Variants in TIAM1 observed in about 807,000 individuals in gnomAD.
TIAM1 encodes rho guanine nucleotide exchange factor TIAM1.
Under a neutral mutation model 163.5 loss-of-function variants are expected in TIAM1, and 65 were observed. That is an observed-to-expected ratio of 0.40 (90% CI 0.33 to 0.49). The LOEUF (loss-of-function observed/expected upper bound fraction) is 0.49, where lower values mean the gene tolerates loss of function less well. Among genes scored for constraint, TIAM1 ranks in the 20% least tolerant of loss-of-function variants. The pLI is 0.77. For synonymous variants in TIAM1, 833 were observed against 810.1 expected, an observed-to-expected ratio of 1.03 and a Z score of -0.48; for missense variants, 1,789 against 2,044.7, an observed-to-expected ratio of 0.87 and a Z score of 2.41.
chr21:31,346,743 C>A (rs1470499782), upstream of TIAM1, among the ~76,000 whole-genome samples: 1 of 152,122 alleles, frequency 6.6e-6, no homozygotes, highest in East Asian at 1.9e-4. Context: ...AAGAATGTTA[C>A]AAATCACTCG....
intron 2 of TIAM1, among the ~76,000 whole-genome samples, chr21:31,425,135 A>T (rs910157570): frequency 2.0e-5 from 3 of 152,114 alleles, no homozygotes; most frequent in African/African-American, 7.2e-5. Context: ...AAAATAAACA[A>T]TTTTTTTAAA....
At chr21:31,420,874 C>A (rs1036238569) in intron 2 of TIAM1, among the ~76,000 whole-genome samples, 4 of 152,124 alleles carry the variant, frequency 2.6e-5, no homozygotes, top group African/African-American at 9.7e-5. Context: ...GTAATCCCAG[C>A]ACTTTGGGAG....
At chr21:31,142,803 G>A (rs1190906463) in intron 20 of TIAM1, among the ~76,000 whole-genome samples, 1 of 152,106 alleles carries the variant, frequency 6.6e-6, no homozygotes, top group Non-Finnish European at 1.5e-5. Flanking sequence ...CGTGGGCTCT[G>A]ATCTGATGCA....
chr21:31,479,430 C>G (rs142741637), intron 1 of TIAM1, among the ~76,000 whole-genome samples: 1 of 146,764 alleles, frequency 6.8e-6, no homozygotes, highest in African/African-American at 2.5e-5. Context: ...GACGGACGGA[C>G]GGATGAATGG....
chr21:31,188,923 A>AG, intron 13 of TIAM1, among the ~76,000 whole-genome samples: 1 of 151,896 alleles, frequency 6.6e-6, no homozygotes, highest in Middle Eastern at 3.4e-3. Context: ...GTACCAGGAA[A>AG]CACCTTTGCT....
At chr21:31,348,321 A>G (rs961415565), upstream of TIAM1, among the ~76,000 whole-genome samples, 11 of 152,218 alleles carry the variant, frequency 7.2e-5, no homozygotes, top group African/African-American at 2.7e-4. Context: ...CCTTCATAGA[A>G]CAAAAACAAG....
intron 13 of TIAM1, among the ~76,000 whole-genome samples, chr21:31,189,773 G>A (rs928147506): frequency 6.6e-6 from 1 of 151,982 alleles, no homozygotes; most frequent in Non-Finnish European, 1.5e-5. Flanking sequence ...CACACTGGGG[G>A]AAAACCTTAT....
At chr21:31,345,840 C>G (rs2076138009), upstream of TIAM1, among the ~76,000 whole-genome samples, 1 of 152,138 alleles carries the variant, frequency 6.6e-6, no homozygotes, top group African/African-American at 2.4e-5. Flanking sequence ...ATTCCAGCTA[C>G]TCAGGAGGCT....
chr21:31,503,616 A>AGAGG (rs2046934973), intron 1 of TIAM1, among the ~76,000 whole-genome samples: 1 of 86,950 alleles, frequency 1.2e-5, no homozygotes, highest in Non-Finnish European at 2.4e-5. Flanking sequence ...GAGGGGAGGG[A>AGAGG]CCTGAAATCA....
chr21:31,417,738 G>A (rs1293934782), intron 2 of TIAM1, among the ~76,000 whole-genome samples: 2 of 152,192 alleles, frequency 1.3e-5, no homozygotes, highest in Non-Finnish European at 2.9e-5. Context: ...TACCTGTGCA[G>A]TCAGGGACAT....
chr21:31,123,907 G>A (rs1348341596), intron 27 of TIAM1: 2 of 152,146 alleles, frequency 1.3e-5, no homozygotes, highest in African/African-American at 4.8e-5. Flanking sequence ...TTTATGCTGG[G>A]ACCATTTAAA....
rs1268945302 is a variant in TIAM1 at position 31,251,734 on chromosome 21, G to A, written c.1411+8C>T. On this transcript the variant is annotated splice_region_variant and intron_variant, in intron 5 of 27. Transcript: ENST00000541036. Reference sequence around the variant, plus strand: ...TTTGGCACATAGCCGGGGCCCTCCCGCTCTCACCTTTCAGGGACACCCAGT... The same window carrying A: ...TTTGGCACATAGCCGGGGCCCTCCCACTCTCACCTTTCAGGGACACCCAGT... The A allele has an allele frequency of 4.5e-6, 7 of 1,572,272 alleles. No individual in the cohort carries two copies. The highest frequency in any genetic ancestry group is 1.2e-5 in the South Asian group (1 of 84,430).
At chr21:31,443,246 A>G (rs868569097) in intron 2 of TIAM1, among the ~76,000 whole-genome samples, 1 of 151,856 alleles carries the variant, frequency 6.6e-6, no homozygotes, top group Non-Finnish European at 1.5e-5. Flanking sequence ...GAATAATTAA[A>G]CCCCCTAGTA....
chr21:31,414,860 T>C (rs34012958), intron 2 of TIAM1, among the ~76,000 whole-genome samples: 9,394 of 152,276 alleles, frequency 0.062, 371 homozygotes, highest in East Asian at 0.11. Context: ...CCAAAAGGCA[T>C]GGGCGGACAC....
chr21:31,545,093 T>C (rs1398371038), intron 1 of TIAM1, among the ~76,000 whole-genome samples: 1 of 152,180 alleles, frequency 6.6e-6, no homozygotes, highest in East Asian at 1.9e-4. Flanking sequence ...TTTGCAGATA[T>C]AATCAAGTTA....
chr21:31,228,590 T>A (rs73899699), intron 6 of TIAM1, among the ~76,000 whole-genome samples: 3,473 of 152,214 alleles, frequency 0.023, 140 homozygotes, highest in African/African-American at 0.078. Flanking sequence ...AATCACACAA[T>A]GAAATACTAT....
intron 2 of TIAM1, among the ~76,000 whole-genome samples, chr21:31,366,069 G>C (rs1484048040): frequency 8.6e-6 from 1 of 116,612 alleles, no homozygotes; most frequent in African/African-American, 3.5e-5. Flanking sequence ...CCTGGAGACA[G>C]AGCAAGACTC....
chr21:31,251,335 A>T (rs1054458648), intron 5 of TIAM1, among the ~76,000 whole-genome samples: 7 of 152,144 alleles, frequency 4.6e-5, no homozygotes, highest in Non-Finnish European at 7.4e-5. Context: ...CTTAAGTCAC[A>T]TGAATAGGTT....
intron 12 of TIAM1, among the ~76,000 whole-genome samples, chr21:31,199,725 T>A (rs56978586): frequency 0.039 from 5,905 of 150,896 alleles, 417 homozygotes; most frequent in African/African-American, 0.14. Flanking sequence ...GAGATGGAGT[T>A]TCAGCATGTT....
Sources: allele counts gnomAD v4.1 joint callset (sites outside exome capture counted in the v4.1 genomes callset), GRCh38; gene constraint gnomAD v4.1.1; transcripts MANE v1.5; gene names NCBI Gene and HGNC (gene_info 2026-07-23, HGNC 2026-07-21).